ZNF860: variants seen among roughly 807,000 people sequenced by gnomAD.
ZNF860 encodes the protein zinc finger protein 860.
For synonymous variants in ZNF860, 206 were observed against 248.9 expected (o/e 0.83, Z 1.62); for missense variants, 641 against 759.2 (o/e 0.84, Z 1.83).
At chr3:32,003,651 C>T in the ZNF860 span, among the ~76,000 whole-genome samples, 1 of 152,212 alleles carries the variant, frequency 6.6e-6, no homozygotes, top group East Asian at 1.9e-4. Context: ...TCCTCTTTCT[C>T]GTCTCTTCAC....
At chr3:32,006,221 C>T in the ZNF860 span, among the ~76,000 whole-genome samples, 6 of 152,354 alleles carry the variant, frequency 3.9e-5, no homozygotes, top group East Asian at 9.6e-4. Flanking sequence ...GCTGGGATTA[C>T]AGGCGTGAGC....
At chr3:32,004,699 C>T in the ZNF860 span, among the ~76,000 whole-genome samples, 10 of 152,228 alleles carry the variant, frequency 6.6e-5, no homozygotes, top group African/African-American at 2.4e-4. Flanking sequence ...ACCAAGAGAA[C>T]AACAGAGAAG....
the ZNF860 span, among the ~76,000 whole-genome samples, chr3:32,005,789 G>A: frequency 5.9e-5 from 9 of 151,850 alleles, no homozygotes; most frequent in South Asian, 4.2e-4. Context: ...GGGTTTCACC[G>A]TGTTAGCCGC....
chr3:32,002,878 A>C, the ZNF860 span, among the ~76,000 whole-genome samples: 1 of 145,664 alleles, frequency 6.9e-6, no homozygotes, highest in East Asian at 1.9e-4. Flanking sequence ...TAACAGTCCA[A>C]GCTAATTTTT....
At chr3:32,005,500 G>A in the ZNF860 span, among the ~76,000 whole-genome samples, 1 of 152,238 alleles carries the variant, frequency 6.6e-6, no homozygotes, top group South Asian at 2.1e-4. Flanking sequence ...AAGTCATGGG[G>A]CATATGTGAC....
In ZNF860 at chr3:31,989,434, G is replaced by C. The variant is rs200830007; in HGVS notation, c.355G>C (p.Asp119His). 4 of 1,614,166 alleles carry C rather than the reference G, an allele frequency of 2.5e-6. No homozygotes were observed. Among genetic ancestry groups the C allele is most frequent in the Non-Finnish European group, 3.4e-6 (4 of 1,180,030 alleles). ...IHDFEFQWQEDKRNSHEATMT... is the reference protein window; with the variant it reads ...IHDFEFQWQEHKRNSHEATMT... Reference sequence around the variant, plus strand: ...TGACTTTGAGTTTCAATGGCAAGAAGACAAAAGAAATAGCCATGAAGCAAC... The same window carrying C: ...TGACTTTGAGTTTCAATGGCAAGAACACAAAAGAAATAGCCATGAAGCAAC... The change falls in exon 2 of 2, where the codon GAC becomes CAC. Residue 119 changes from aspartate to histidine, a missense_variant. Coordinates refer to ENST00000360311, the MANE Select transcript of ZNF860 (RefSeq NM_001137674.3).
rs773332725 is a variant in ZNF860, at chr3:31,990,033, A to G, written c.954A>G (p.Glu318=). 1.8e-5 allele frequency: 29 copies of G among 1,614,056 alleles called. No homozygotes were observed. Among genetic ancestry groups the G allele is most frequent in the Non-Finnish European group, 2.5e-5 (29 of 1,179,984 alleles). Residue 318 remains glutamate (E), a synonymous_variant, in exon 2 of 2, where the codon GAA becomes GAG. Transcript: ENST00000360311. ...GAGAGAAACCTTACAAATGTGAAGAATGTGACAAAGTTTTTAGTCGCAAAT... is the reference window on the plus strand; with the variant it reads ...GAGAGAAACCTTACAAATGTGAAGAGTGTGACAAAGTTTTTAGTCGCAAAT... ...HTGEKPYKCE[E]CDKVFSRKSN... is the part of the protein sequence containing the mutation.
intron 1 of ZNF860, among the ~76,000 whole-genome samples, chr3:31,984,666 CT>C (rs1437510361): frequency 1.3e-5 from 2 of 152,088 alleles, no homozygotes; most frequent in Non-Finnish European, 2.9e-5. Context: ...TTAACTATGC[CT>C]TTATCTTAGC....
chr3:31,983,292 A>G (rs1180523932), intron 1 of ZNF860, among the ~76,000 whole-genome samples: 1 of 152,166 alleles, frequency 6.6e-6, no homozygotes. Context: ...CCAAAACAAC[A>G]TGCCTTTTAT....
chr3:32,002,040 C>A, the ZNF860 span, among the ~76,000 whole-genome samples: 1 of 152,184 alleles, frequency 6.6e-6, no homozygotes, highest in African/African-American at 2.4e-5. Flanking sequence ...AGGGTTCAAA[C>A]CCAGCTCTGA....
intron 1 of ZNF860, among the ~76,000 whole-genome samples, chr3:31,985,737 A>T (rs183775957): frequency 6.6e-6 from 1 of 152,222 alleles, no homozygotes; most frequent in Admixed American, 6.5e-5. Context: ...TGTTAGAAAC[A>T]TGTGGTCTGA....
intron 1 of ZNF860, among the ~76,000 whole-genome samples, chr3:31,983,515 C>T (rs1698890573): frequency 6.6e-6 from 1 of 152,136 alleles, no homozygotes; most frequent in East Asian, 1.9e-4. Flanking sequence ...ATAGTCAAGG[C>T]CAGGATGGGG....
In ZNF860 at chr3:31,990,053, G is replaced by A. The variant is rs201222991; in HGVS notation, c.974G>A (p.Arg325His). The A allele has an allele frequency of 8.7e-6, 14 of 1,613,878 alleles. No homozygotes were observed. The highest frequency in any genetic ancestry group is 4.4e-5 in the South Asian group (4 of 91,054). The change falls in exon 2 of 2, where the codon CGC (arginine) becomes CAC (histidine). Residue 325 changes from arginine to histidine, a missense_variant. Coordinates refer to ENST00000360311, the MANE Select transcript of ZNF860 (RefSeq NM_001137674.3). ...GAAGAATGTGACAAAGTTTTTAGTC[G>A]CAAATCAAATCTTGAAAGACATAGG... ...KCEECDKVFS[R>H]KSNLERHRRI... is the part of the protein sequence containing the mutation.
downstream of ZNF860, among the ~76,000 whole-genome samples, chr3:31,993,251 C>A (rs1699053823): frequency 6.6e-6 from 1 of 150,682 alleles, no homozygotes; most frequent in Non-Finnish European, 1.5e-5. Context: ...CTCTTGTTGA[C>A]CAGGCTGGAG....
At chr3:31,987,231 A>G (rs1698947390) in intron 1 of ZNF860, among the ~76,000 whole-genome samples, 1 of 152,132 alleles carries the variant, frequency 6.6e-6, no homozygotes, top group African/African-American at 2.4e-5. Context: ...AAAACATATA[A>G]TACTTTCTAA....
At chr3:31,997,317 T>G in the ZNF860 span, among the ~76,000 whole-genome samples, 2 of 151,406 alleles carry the variant, frequency 1.3e-5, no homozygotes, top group Non-Finnish European at 2.9e-5. Flanking sequence ...CAGGCTGGAG[T>G]GCAGTGGTGC....
chr3:32,002,381 C>T, the ZNF860 span, among the ~76,000 whole-genome samples: 1 of 152,082 alleles, frequency 6.6e-6, no homozygotes, highest in Non-Finnish European at 1.5e-5. Flanking sequence ...AAAAGAATTA[C>T]AGTATGGGGC....
downstream of ZNF860, among the ~76,000 whole-genome samples, chr3:31,992,145 C>CA (rs527764918): frequency 0.11 from 6,900 of 65,164 alleles, 511 homozygotes; most frequent in African/African-American, 0.25. Flanking sequence ...GACTCCATCT[C>CA]AAAAAAAAAA....
At chr3:32,001,263 G>A in the ZNF860 span, among the ~76,000 whole-genome samples, 10 of 152,164 alleles carry the variant, frequency 6.6e-5, no homozygotes, top group East Asian at 7.7e-4. Flanking sequence ...AGAACTTCCC[G>A]GTCTCCAACC....
Sources: allele counts gnomAD v4.1 joint callset (sites outside exome capture counted in the v4.1 genomes callset), GRCh38; gene constraint gnomAD v4.1.1; transcripts MANE v1.5; gene names NCBI Gene and HGNC (gene_info 2026-07-23, HGNC 2026-07-21).